Variants in CYCS observed in about 807,000 individuals in gnomAD.
The protein encoded by CYCS is cytochrome c, somatic, also known as cytochrome c.
For synonymous variants in CYCS, 41 were observed against 43.0 expected, an observed-to-expected ratio of 0.95 and a Z score of 0.18; for missense variants, 87 against 125.3, an observed-to-expected ratio of 0.69 and a Z score of 1.46.
In CYCS at chr7:25,119,208, T is replaced by C. The variant is rs1008233861; in HGVS notation, c.*4493A>G. Among the ~76,000 whole-genome samples, 1 of 152,238 alleles carries C rather than the reference T, an allele frequency of 6.6e-6. No individual in the cohort carries two copies. Among genetic ancestry groups the C allele is most frequent in the African/African-American group, 2.4e-5 (1 of 41,460 alleles). ...TCGCCCCCAACTTGGCAACATCTTA[T>C]TGGTTTTCAGAATATACTGATGACG... On this transcript the variant is annotated 3_prime_UTR_variant, in exon 3 of 3. Coordinates refer to ENST00000305786, the MANE Select transcript of CYCS (RefSeq NM_018947.6).
rs1442873248 is a variant in CYCS, at chr7:25,118,662, C to T, written c.*5039G>A. Among the ~76,000 whole-genome samples, 2 of 152,080 alleles carry T rather than the reference C, an allele frequency of 1.3e-5. No homozygotes were observed. The highest frequency in any genetic ancestry group is 2.9e-5 in the Non-Finnish European group (2 of 68,018). On this transcript the variant is annotated 3_prime_UTR_variant, in exon 3 of 3. Transcript: ENST00000305786. ...AAACAGGCATCTGGTCAGATTGGGT[C>T]CACGGGCTGTTTATTGATACACACT...
rs1377656593 is a variant in CYCS at position 25,119,504 on chromosome 7, G to A, written c.*4197C>T. On this transcript the variant is annotated 3_prime_UTR_variant, in exon 3 of 3. Transcript: ENST00000305786. ...TTGGCCAGGCTGGTCTCAAGCTCCTGACCTCAGGTGATCTGCCTGCCTTGG... is the reference window on the plus strand; with the variant it reads ...TTGGCCAGGCTGGTCTCAAGCTCCTAACCTCAGGTGATCTGCCTGCCTTGG... Among the ~76,000 whole-genome samples the A allele has an allele frequency of 1.3e-5, 2 of 151,920 alleles. No individual in the cohort carries two copies. Among genetic ancestry groups the A allele is most frequent in the Non-Finnish European group, 2.9e-5 (2 of 68,012 alleles).
At position 25,121,076 on chromosome 7, in the gene CYCS, A is replaced by G. The variant is rs1783355289; in HGVS notation, c.*2625T>C. 1 of 152,230 alleles carries G rather than the reference A, an allele frequency of 6.6e-6. No individual in the cohort carries two copies. The highest frequency in any genetic ancestry group is 1.5e-5 in the Non-Finnish European group (1 of 68,054). 9.4% of individuals were successfully genotyped at this position (152,230 alleles called of 1,614,324 possible). On this transcript the variant is annotated 3_prime_UTR_variant, in exon 3 of 3. Transcript: ENST00000305786. ...AAGGCGGAGGTTGCGGTGAGCAGCG[A>G]TCACGCCATTGCACTCCAGCCTGGG...
At position 25,124,115 on chromosome 7, in the gene CYCS, C is replaced by A. The variant is rs563697201; in HGVS notation, c.5G>T (p.Gly2Val). Residue 2 changes from glycine (G) to valine (V), a missense_variant, in exon 2 of 3, where the codon GGT becomes GTT. Coordinates refer to ENST00000305786, the MANE Select transcript of CYCS (RefSeq NM_018947.6). M[G>V]DVEKGKKIFI... ...AATCTTCTTGCCTTTCTCAACATCA[C>A]CCATATTTAATTCTAAAAACGAAAG... 1.2e-6 allele frequency: 2 copies of A among 1,612,810 alleles called. No homozygotes were observed.
At position 25,119,405 on chromosome 7, in the gene CYCS, T is replaced by C. The variant is rs547040009; in HGVS notation, c.*4296A>G. On this transcript the variant is annotated 3_prime_UTR_variant, in exon 3 of 3. Transcript: ENST00000305786. ...GATTCTCCTGCCTCAGCCTCTCAAA[T>C]AGCTGCAATTACAGGTGCCGCCACC... Among the ~76,000 whole-genome samples the C allele has an allele frequency of 2.5e-4, 38 of 151,760 alleles. No individual in the cohort carries two copies. The highest frequency in any genetic ancestry group is 3.4e-3 in the Middle Eastern group (1 of 292).
Position 25,121,841 on chromosome 7 carries a change from C to G in CYCS, c.*1860G>C, listed in dbSNP as rs892804080. 1 of 152,144 alleles carries G rather than the reference C, an allele frequency of 6.6e-6. No individual in the cohort carries two copies. Among genetic ancestry groups the G allele is most frequent in the Non-Finnish European group, 1.5e-5 (1 of 68,056 alleles). 9.4% of individuals were successfully genotyped at this position (152,144 alleles called of 1,614,324 possible). On this transcript the variant is annotated 3_prime_UTR_variant, in exon 3 of 3. Coordinates refer to ENST00000305786, the MANE Select transcript of CYCS (RefSeq NM_018947.6). ...ACTTGGGAAGCTGAAGTGAGAGAAT[C>G]GCTTGAGCCTGGGAAATAGAGGTTG...
rs1783378130 is a variant in CYCS at position 25,122,430 on chromosome 7, T to C, written c.*1271A>G. The C allele has an allele frequency of 6.6e-6, 1 of 152,244 alleles. No individual in the cohort carries two copies. Among genetic ancestry groups the C allele is most frequent in the South Asian group, 2.1e-4 (1 of 4,834 alleles). The allele number at this position is 152,244 out of a possible 1,614,324, so 9.4% of individuals were successfully genotyped here. On this transcript the variant is annotated 3_prime_UTR_variant, in exon 3 of 3. Coordinates refer to ENST00000305786, the MANE Select transcript of CYCS (RefSeq NM_018947.6). ...TCTCAGCTGCACCAGCATAGATTTA[T>C]TTTCTCATTATTCTTTATGACTTAC...
intron 1 of CYCS, 39 bp from the exon 2 acceptor site, chr7:25,124,166 G>T: frequency 6.5e-7 from 1 of 1,543,216 alleles, no homozygotes; most frequent in South Asian, 1.1e-5. Flanking sequence ...TTTTTCCTCA[G>T]GTAACAAATA....
At position 25,120,512 on chromosome 7, in the gene CYCS, C is replaced by A. The variant is rs1268870711; in HGVS notation, c.*3189G>T. On this transcript the variant is annotated 3_prime_UTR_variant, in exon 3 of 3. Coordinates refer to ENST00000305786, the MANE Select transcript of CYCS (RefSeq NM_018947.6). ...GCCTATGTAAATTTAAAATAAAATA[C>A]TTTCTAGTCACACTAGCTATATTTC... The A allele has an allele frequency of 6.6e-6, 1 of 152,238 alleles. No homozygotes were observed. Among genetic ancestry groups the A allele is most frequent in the Non-Finnish European group, 1.5e-5 (1 of 68,050 alleles). 9.4% of individuals were successfully genotyped at this position (152,238 alleles called of 1,614,324 possible). A position where few individuals can be genotyped will look rare whatever the true frequency, so the allele number is the denominator to read the frequency against.
chr7:25,123,625 A>C lies in CYCS; in HGVS notation c.*76T>G. 1 of 1,254,600 alleles carries C rather than the reference A, an allele frequency of 8.0e-7. No individual in the cohort carries two copies. Among genetic ancestry groups the C allele is most frequent in the Non-Finnish European group, 1.2e-6 (1 of 868,752 alleles). 77.7% of individuals were successfully genotyped at this position (1,254,600 alleles called of 1,614,324 possible). ...CATGATCTGAATTCTGGTGTATGAG[A>C]TCTATTAAAGGATGGTACACATAAA... On this transcript the variant is annotated 3_prime_UTR_variant, in exon 3 of 3. Coordinates refer to ENST00000305786, the MANE Select transcript of CYCS (RefSeq NM_018947.6).
At chr7:25,124,608 G>A (rs1783415909) in intron 1 of CYCS, 1 of 204,878 alleles carries the variant, frequency 4.9e-6, no homozygotes, top group African/African-American at 2.4e-5. Flanking sequence ...CCAGGTCACA[G>A]GAGTAGCTTG....
At chr7:25,124,171 C>T (rs1783406656) in intron 1 of CYCS, 44 bp from the exon 2 acceptor site, 2 of 1,506,820 alleles carry the variant, frequency 1.3e-6, no homozygotes, top group African/African-American at 1.4e-5. Context: ...CCTCAGGTAA[C>T]AAATACAGTG....
At position 25,121,674 on chromosome 7, in the gene CYCS, A is replaced by C. The variant is rs1476451522; in HGVS notation, c.*2027T>G. 6.6e-6 allele frequency: 1 copy of C among 152,266 alleles called. No individual in the cohort carries two copies. Among genetic ancestry groups the C allele is most frequent in the East Asian group, 1.9e-4 (1 of 5,192 alleles). The allele number at this position is 152,266 out of a possible 1,614,324, so 9.4% of individuals were successfully genotyped here. A position where few individuals can be genotyped will look rare whatever the true frequency, so the allele number is the denominator to read the frequency against. ...CAGGGCCTGGTGGCTCACGCCTGTA[A>C]TCCCAGCACTTTGGGGAGCCAAGGC... On this transcript the variant is annotated 3_prime_UTR_variant, in exon 3 of 3. Coordinates refer to ENST00000305786, the MANE Select transcript of CYCS (RefSeq NM_018947.6).
At chr7:25,123,909 T>G (rs750051969) in intron 2 of CYCS, 42 bp downstream of exon 2, 2 of 1,614,170 alleles carry the variant, frequency 1.2e-6, no homozygotes, top group East Asian at 2.2e-5. Flanking sequence ...ACATGTTATA[T>G]TCCTGCATTT....
Position 25,123,516 on chromosome 7 carries a change from T to A in CYCS, c.*185A>T. 9.8e-6 allele frequency: 6 copies of A among 609,596 alleles called. No homozygotes were observed. The highest frequency in any genetic ancestry group is 1.2e-5 in the Non-Finnish European group (4 of 345,658). The allele number at this position is 609,596 out of a possible 1,614,324, so 37.8% of individuals were successfully genotyped here. A position where few individuals can be genotyped will look rare whatever the true frequency, so the allele number is the denominator to read the frequency against. On this transcript the variant is annotated 3_prime_UTR_variant, in exon 3 of 3. Coordinates refer to ENST00000305786, the MANE Select transcript of CYCS (RefSeq NM_018947.6). ...ACTGAATTGGAGTTACTATTAAAAT[T>A]CAAAAACTGAACATATTCATTTAAC...
rs1783395693 is a variant in CYCS at position 25,123,631 on chromosome 7, T to C, written c.*70A>G. 1.5e-6 allele frequency: 2 copies of C among 1,336,588 alleles called. No individual in the cohort carries two copies. Among genetic ancestry groups the C allele is most frequent in the Admixed American group, 3.4e-5 (2 of 59,396 alleles). The allele number at this position is 1,336,588 out of a possible 1,614,324, so 82.8% of individuals were successfully genotyped here. A position where few individuals can be genotyped will look rare whatever the true frequency, so the allele number is the denominator to read the frequency against. On this transcript the variant is annotated 3_prime_UTR_variant, in exon 3 of 3. Transcript: ENST00000305786. ...CTGAATTCTGGTGTATGAGATCTAT[T>C]AAAGGATGGTACACATAAAAAAGTC...
At position 25,121,078 on chromosome 7, in the gene CYCS, C is replaced by G. The variant is rs766404372; in HGVS notation, c.*2623G>C. Reference sequence around the variant, plus strand: ...GGCGGAGGTTGCGGTGAGCAGCGATCACGCCATTGCACTCCAGCCTGGGCA... The same window carrying G: ...GGCGGAGGTTGCGGTGAGCAGCGATGACGCCATTGCACTCCAGCCTGGGCA... On this transcript the variant is annotated 3_prime_UTR_variant, in exon 3 of 3. Coordinates refer to ENST00000305786, the MANE Select transcript of CYCS (RefSeq NM_018947.6). 6.6e-6 allele frequency: 1 copy of G among 152,132 alleles called. No individual in the cohort carries two copies. The highest frequency in any genetic ancestry group is 1.5e-5 in the Non-Finnish European group (1 of 68,036). The allele number at this position is 152,132 out of a possible 1,614,324, so 9.4% of individuals were successfully genotyped here.
intron 1 of CYCS, among the ~76,000 whole-genome samples, chr7:25,124,386 T>A (rs998188677): frequency 9.2e-5 from 14 of 152,194 alleles, no homozygotes; most frequent in Non-Finnish European, 1.9e-4. Flanking sequence ...AGAGGGAACC[T>A]AATTCAAACT....
At position 25,122,664 on chromosome 7, in the gene CYCS, T is replaced by C. The variant is rs2128577310; in HGVS notation, c.*1037A>G. ...AGAGTCAATTAGTGAAGTGTTATTC[T>C]AGTTGAGGCAGTCCTAGAAAACCAA... On this transcript the variant is annotated 3_prime_UTR_variant, in exon 3 of 3. Coordinates refer to ENST00000305786, the MANE Select transcript of CYCS (RefSeq NM_018947.6). 6.6e-6 allele frequency: 1 copy of C among 152,376 alleles called. No homozygotes were observed. The highest frequency in any genetic ancestry group is 6.5e-5 in the Admixed American group (1 of 15,310). 9.4% of individuals were successfully genotyped at this position (152,376 alleles called of 1,614,324 possible). A position where few individuals can be genotyped will look rare whatever the true frequency, so the allele number is the denominator to read the frequency against.
Sources: allele counts gnomAD v4.1 joint callset (sites outside exome capture counted in the v4.1 genomes callset), GRCh38; gene constraint gnomAD v4.1.1; transcripts MANE v1.5; gene names NCBI Gene and HGNC (gene_info 2026-07-23, HGNC 2026-07-21).